Variants in TP53I13 observed in about 807,000 individuals in gnomAD.
TP53I13 encodes the protein tumor protein p53-inducible protein 13.
TP53I13 carries 27 observed loss-of-function variants against 39.1 expected under a neutral mutation model. The observed-to-expected ratio is 0.69, with a 90% confidence interval of 0.51 to 0.95. The LOEUF (loss-of-function observed/expected upper bound fraction) is 0.95, where lower values mean the gene tolerates loss of function less well. TP53I13 is among the 40% of genes least tolerant of loss of function. The pLI is 0.00. For missense variants in TP53I13, 544 were observed against 520.4 expected, an observed-to-expected ratio of 1.05 and a Z score of -0.44; for synonymous variants, 230 against 224.6, an observed-to-expected ratio of 1.02 and a Z score of -0.22.
chr17:29,579,862 C>G, the TP53I13 span, among the ~76,000 whole-genome samples: 2 of 152,140 alleles, frequency 1.3e-5, no homozygotes, highest in Non-Finnish European at 2.9e-5. Context: ...AGTCACACAG[C>G]CAGTAAGCAG....
At chr17:29,571,504 C>A in intron 3 of TP53I13, 87 bp from the exon 4 acceptor site, 1 of 1,578,192 alleles carries the variant, frequency 6.3e-7, no homozygotes, top group Non-Finnish European at 8.6e-7. Context: ...CTGGGAGTAC[C>A]TTTAAACTGG....
chr17:29,575,986 A>C (rs2033180806), downstream of TP53I13: 1 of 1,546,794 alleles, frequency 6.5e-7, no homozygotes, highest in Non-Finnish European at 8.9e-7. The surrounding 1 kb of genome is among the most constrained non-coding windows in gnomAD (Gnocchi z 5.5). Context: ...GGTCAGTCTA[A>C]TCATCTTAAG....
chr17:29,569,248 C>G, intron 2 of TP53I13, 70 bp from the exon 3 acceptor site: 1 of 1,553,306 alleles, frequency 6.4e-7, no homozygotes, highest in Non-Finnish European at 8.8e-7. Flanking sequence ...TGGGGCCTGC[C>G]GTCCCCTCCC....
chr17:29,575,138 C>T (rs145991218), downstream of TP53I13: 16 of 1,597,554 alleles, frequency 1.0e-5, no homozygotes, highest in African/African-American at 4.0e-5. The surrounding 1 kb of genome is among the most constrained non-coding windows in gnomAD (Gnocchi z 5.5). Context: ...GAGCAGGGCA[C>T]GAAGCTGCGG....
At chr17:29,580,073 CCT>C in the TP53I13 span, among the ~76,000 whole-genome samples, 4 of 152,166 alleles carry the variant, frequency 2.6e-5, no homozygotes, top group African/African-American at 9.7e-5. Flanking sequence ...CATGCCTCTG[CCT>C]CTCTTGCTGC....
chr17:29,577,077 G>A, downstream of TP53I13: 3 of 1,606,444 alleles, frequency 1.9e-6, no homozygotes, highest in South Asian at 1.1e-5. Flanking sequence ...GGAGAGCCAT[G>A]CAGGAAAGAC....
the TP53I13 span, chr17:29,578,832 G>A: frequency 6.3e-7 from 1 of 1,587,102 alleles, no homozygotes; most frequent in Middle Eastern, 1.7e-4. Flanking sequence ...CTGAGAGGTG[G>A]CCAGGCCCAT....
rs760188525 is a variant in TP53I13 at position 29,572,807 on chromosome 17, C to T, written c.1070-5C>T. The T allele has an allele frequency of 1.4e-4, 221 of 1,534,288 alleles. No homozygotes were observed. The highest frequency in any genetic ancestry group is 1.8e-4 in the Non-Finnish European group (209 of 1,144,266). ...GCCCTTGACTGCTCGGCGCCCGGCCCACAGCTGTGCTGAAGCGGAGGCTGC... is the reference window on the plus strand; with the variant it reads ...GCCCTTGACTGCTCGGCGCCCGGCCTACAGCTGTGCTGAAGCGGAGGCTGC... On this transcript the variant is annotated splice_polypyrimidine_tract_variant and splice_region_variant and intron_variant, in intron 6 of 6. Coordinates refer to ENST00000301057, the MANE Select transcript of TP53I13 (RefSeq NM_138349.4).
At chr17:29,570,201 T>C (rs1409413375) in intron 3 of TP53I13, among the ~76,000 whole-genome samples, 1 of 133,680 alleles carries the variant, frequency 7.5e-6, no homozygotes, top group Non-Finnish European at 1.6e-5. Context: ...CCACCATGCC[T>C]GGCCTGAAAT....
chr17:29,575,280 C>T, downstream of TP53I13: 1 of 1,609,006 alleles, frequency 6.2e-7, no homozygotes, highest in Non-Finnish European at 8.5e-7. The surrounding 1 kb of genome is among the most constrained non-coding windows in gnomAD (Gnocchi z 5.5). Flanking sequence ...TCCCCCTCCA[C>T]TCAGTACCTG....
At chr17:29,577,102 C>T (rs1328305852), downstream of TP53I13, 2 of 1,609,034 alleles carry the variant, frequency 1.2e-6, no homozygotes, top group Admixed American at 3.3e-5. Flanking sequence ...GGAGCCCCGC[C>T]TGCTTCCCAC....
In TP53I13 at chr17:29,572,277, C is replaced by T. The variant is rs753575225; in HGVS notation, c.649C>T (p.Arg217Cys). 27 of 1,612,810 alleles carry T rather than the reference C, an allele frequency of 1.7e-5. No homozygotes were observed. The highest frequency in any genetic ancestry group is 6.7e-5 in the Admixed American group (4 of 60,006). Reference protein sequence around the residue: ...LRAALGPQPTRSALRFPSASP... With the variant: ...LRAALGPQPTCSALRFPSASP... Reference sequence around the variant, plus strand: ...GGCTGCCCTTGGTCCCCAGCCCACTCGCTCAGCCCTGAGGTTTCCCTCTGC... The same window carrying T: ...GGCTGCCCTTGGTCCCCAGCCCACTTGCTCAGCCCTGAGGTTTCCCTCTGC... The change falls in exon 6 of 7, where the codon CGC becomes TGC. Residue 217 changes from arginine (R) to cysteine (C), a missense_variant. By Grantham distance (180) the Arg-to-Cys change is radical. Transcript: ENST00000301057.
chr17:29,574,125 A>G (rs2033093583), downstream of TP53I13: 1 of 152,238 alleles, frequency 6.6e-6, no homozygotes, highest in African/African-American at 2.4e-5. Context: ...GGGGAAGAAG[A>G]AAGAAAAAAA....
downstream of TP53I13, chr17:29,577,795 G>C: frequency 3.6e-6 from 4 of 1,120,546 alleles, no homozygotes; most frequent in South Asian, 1.2e-5. Context: ...CCCCCAAGGT[G>C]GGGGTGGGGA....
downstream of TP53I13, chr17:29,574,984 C>G: frequency 6.7e-7 from 1 of 1,488,506 alleles, no homozygotes; most frequent in Non-Finnish European, 9.2e-7. Flanking sequence ...CCCAGTTTGT[C>G]TGTGTCTCCA....
chr17:29,581,493 T>C, the TP53I13 span: 3 of 904,590 alleles, frequency 3.3e-6, no homozygotes, highest in Non-Finnish European at 5.5e-6. The surrounding 1 kb of genome is among the most constrained non-coding windows in gnomAD (Gnocchi z 4.8). Flanking sequence ...CAGGGGAAAG[T>C]GGGGAGGGCA....
At chr17:29,575,969 G>C, downstream of TP53I13, 3 of 1,536,532 alleles carry the variant, frequency 2.0e-6, no homozygotes, top group South Asian at 3.4e-5. This position sits in a 1 kb window ranked among gnomAD's most constrained non-coding sequence, Gnocchi z 5.5. Flanking sequence ...CAGTGCAGCA[G>C]GGACCAGGTC....
chr17:29,577,244 G>T (rs764542510), downstream of TP53I13: 1 of 1,613,384 alleles, frequency 6.2e-7, no homozygotes, highest in Non-Finnish European at 8.5e-7. Context: ...AGCTTTTGTC[G>T]CCCCTGCAAG....
At chr17:29,569,277 T>C in intron 2 of TP53I13, 41 bp from the exon 3 acceptor site, 2 of 1,605,562 alleles carry the variant, frequency 1.2e-6, no homozygotes, top group South Asian at 1.1e-5. Context: ...ACACACGGAG[T>C]CCCCCAACTG....
Sources: gnomAD v4.1 joint callset for allele counts (sites outside exome capture counted in the v4.1 genomes callset) on GRCh38, gnomAD v4.1.1 for gene constraint, Gnocchi (gnomAD v3.1) non-coding constraint, MANE v1.5 for transcripts, NCBI Gene and HGNC (gene_info 2026-07-23, HGNC 2026-07-21) for gene names.